The following PIK3R3 variants were observed in gnomAD, a reference collection of about 807,000 sequenced individuals.
PIK3R3 encodes the protein phosphoinositide-3-kinase regulatory subunit 3, also known as phosphatidylinositol 3-kinase regulatory subunit gamma.
Under a neutral mutation model 62.9 loss-of-function variants are expected in PIK3R3, and 64 were observed. The observed-to-expected ratio is 1.02, with a 90% CI of 0.83 to 1.25. The LOEUF (loss-of-function observed/expected upper bound fraction) is 1.25. PIK3R3 is among the 50% of genes most tolerant of loss of function. PIK3R3 has a pLI of 0.00. For synonymous variants in PIK3R3, 165 were observed against 189.0 expected (o/e 0.87, Z 1.04); for missense variants, 614 against 561.6 (o/e 1.09, Z -0.94).
intron 7 of PIK3R3, among the ~76,000 whole-genome samples, chr1:46,048,537 T>C (rs1304848817): frequency 6.6e-6 from 1 of 152,188 alleles, no homozygotes; most frequent in East Asian, 1.9e-4. Flanking sequence ...AAGTTTTCTA[T>C]CCTTAAAGAA....
At chr1:46,162,601 T>TA in the PIK3R3 span, among the ~76,000 whole-genome samples, 1 of 152,128 alleles carries the variant, frequency 6.6e-6, no homozygotes, top group Non-Finnish European at 1.5e-5. Flanking sequence ...TTTCCATATA[T>TA]AAAAAATTAG....
At chr1:46,096,148 T>TA (rs1273360117) in intron 1 of PIK3R3, among the ~76,000 whole-genome samples, 1 of 152,246 alleles carries the variant, frequency 6.6e-6, no homozygotes, top group Non-Finnish European at 1.5e-5. Context: ...GGCACGCATA[T>TA]ACACTTACGT....
intron 1 of PIK3R3, among the ~76,000 whole-genome samples, chr1:46,095,689 G>A (rs1457131265): frequency 6.6e-6 from 1 of 151,928 alleles, no homozygotes; most frequent in Non-Finnish European, 1.5e-5. Context: ...CAATTAGAAG[G>A]GAACAATTAA....
At chr1:46,162,607 A>T in the PIK3R3 span, among the ~76,000 whole-genome samples, 4 of 152,152 alleles carry the variant, frequency 2.6e-5, no homozygotes, top group Admixed American at 2.6e-4. Flanking sequence ...TATATAAAAA[A>T]TTAGAGCAGT....
intron 1 of PIK3R3, among the ~76,000 whole-genome samples, chr1:46,081,762 A>ATTGCTGAT (rs1650615374): frequency 2.0e-5 from 3 of 152,126 alleles, no homozygotes; most frequent in Admixed American, 2.0e-4. Flanking sequence ...CTTTGAAGAA[A>ATTGCTGAT]TTGCTGATTC....
chr1:46,156,573 C>G, the PIK3R3 span, among the ~76,000 whole-genome samples: 1 of 152,034 alleles, frequency 6.6e-6, no homozygotes, highest in Non-Finnish European at 1.5e-5. Context: ...GTAGCTAATA[C>G]CCCATGCACT....
chr1:46,121,008 G>A (rs1430390693), intron 1 of PIK3R3, among the ~76,000 whole-genome samples: 3 of 152,112 alleles, frequency 2.0e-5, no homozygotes, highest in Admixed American at 6.6e-5. Context: ...TGGAATCACC[G>A]CAACCATTTT....
intron 1 of PIK3R3, among the ~76,000 whole-genome samples, chr1:46,129,996 T>A (rs1655435521): frequency 6.6e-6 from 1 of 152,252 alleles, no homozygotes; most frequent in African/African-American, 2.4e-5. Flanking sequence ...TACAACCTTA[T>A]AAGACCCACG....
chr1:46,093,262 G>A (rs531022000), intron 1 of PIK3R3, among the ~76,000 whole-genome samples: 4 of 152,190 alleles, frequency 2.6e-5, no homozygotes, highest in African/African-American at 9.6e-5. Flanking sequence ...TTGCCTTTAA[G>A]TTTCATTAGG....
intron 1 of PIK3R3, among the ~76,000 whole-genome samples, chr1:46,084,505 C>CAAAA (rs1650889491): frequency 6.6e-6 from 1 of 152,024 alleles, no homozygotes; most frequent in Non-Finnish European, 1.5e-5. Flanking sequence ...TACTTTTTTT[C>CAAAA]AAAGTAGCTA....
chr1:46,077,541 C>A lies in PIK3R3; in HGVS notation c.288G>T (p.Met96Ile), dbSNP rs955780287. ...GCAAAGTCAAAGTATAATCTCCCTGCATTTTTGTTGAGGCATCTCGGACCA... is the reference window on the plus strand; with the variant it reads ...GCAAAGTCAAAGTATAATCTCCCTGAATTTTTGTTGAGGCATCTCGGACCA... Reference protein sequence around the residue: ...TFLVRDASTKMQGDYTLTLRK... With the variant: ...TFLVRDASTKIQGDYTLTLRK... The change falls in exon 3 of 10, where the codon ATG (methionine) becomes ATT (isoleucine). Residue 96 changes from methionine (M) to isoleucine (I), a missense_variant. Transcript: ENST00000262741. 30 of 1,610,802 alleles carry A rather than the reference C, an allele frequency of 1.9e-5. No homozygotes were observed. The highest frequency in any genetic ancestry group is 2.4e-5 in the Non-Finnish European group (28 of 1,177,152).
At chr1:46,131,432 A>G (rs1385636028) in intron 1 of PIK3R3, among the ~76,000 whole-genome samples, 1 of 152,244 alleles carries the variant, frequency 6.6e-6, no homozygotes, top group Non-Finnish European at 1.5e-5. Flanking sequence ...ACAAGCTTTC[A>G]AGAATTCGCC....
At chr1:46,063,654 T>C (rs1371346295) in intron 5 of PIK3R3, among the ~76,000 whole-genome samples, 10 of 152,174 alleles carry the variant, frequency 6.6e-5, no homozygotes. Context: ...ACTATACCAC[T>C]ACACCTGCCA....
chr1:46,115,885 G>A (rs974256667), intron 1 of PIK3R3, among the ~76,000 whole-genome samples: 3 of 152,186 alleles, frequency 2.0e-5, no homozygotes, highest in African/African-American at 4.8e-5. Context: ...ACGGGCAAAG[G>A]AGAGAGTTTA....
chr1:46,128,808 C>T (rs990078639), intron 1 of PIK3R3, among the ~76,000 whole-genome samples: 3 of 152,068 alleles, frequency 2.0e-5, no homozygotes, highest in African/African-American at 7.2e-5. Context: ...AGGCCAGGCG[C>T]GGGGTCTCAC....
At chr1:46,071,746 G>T (rs1478150759) in intron 3 of PIK3R3, among the ~76,000 whole-genome samples, 3 of 119,116 alleles carry the variant, frequency 2.5e-5, no homozygotes, top group Non-Finnish European at 3.4e-5. Context: ...GAGAGAGAGA[G>T]AGAGAGAGAG....
intron 9 of PIK3R3, among the ~76,000 whole-genome samples, chr1:46,045,413 T>C (rs956675136): frequency 1.3e-5 from 2 of 152,210 alleles, no homozygotes; most frequent in Admixed American, 6.5e-5. Context: ...AAAAGGAAAA[T>C]AGGCTTTTCT....
rs1442009544 is a variant in PIK3R3 at position 46,043,009 on chromosome 1, C to CT, written c.*663dup. On this transcript the variant is annotated 3_prime_UTR_variant, in exon 10 of 10. Coordinates refer to ENST00000262741, the MANE Select transcript of PIK3R3 (RefSeq NM_003629.4). ...CATCAAACATTGGTCTGGCAACAAA[C>CT]TGTTTTGTTGGCTTCTGAACATAAT... The CT allele has an allele frequency of 4.5e-6, 1 of 222,422 alleles. No homozygotes were observed. The highest frequency in any genetic ancestry group is 9.0e-6 in the Non-Finnish European group (1 of 110,910). 13.8% of individuals were successfully genotyped at this position (222,422 alleles called of 1,614,324 possible). A position where few individuals can be genotyped will look rare whatever the true frequency, so the allele number is the denominator to read the frequency against.
chr1:46,159,380 T>C, the PIK3R3 span, among the ~76,000 whole-genome samples: 1 of 152,170 alleles, frequency 6.6e-6, no homozygotes, highest in South Asian at 2.1e-4. Context: ...AGACTCTCCA[T>C]GGCCCTTAAA....
Sources: allele counts gnomAD v4.1 joint callset (sites outside exome capture counted in the v4.1 genomes callset), GRCh38; gene constraint gnomAD v4.1.1; transcripts MANE v1.5; gene names NCBI Gene and HGNC (gene_info 2026-07-23, HGNC 2026-07-21).